Variants in IMPA1 observed in about 807,000 individuals in gnomAD.
IMPA1 encodes the protein D-galactose 1-phosphate phosphatase.
In IMPA1, 21 loss-of-function variants were observed where a neutral mutation model predicts 34.9. The observed-to-expected ratio is 0.60, with a 90% CI of 0.43 to 0.87. IMPA1 has a LOEUF of 0.87. Ranked by LOEUF, IMPA1 falls within the 40% of genes least tolerant of loss-of-function variation. The pLI is 0.00. For synonymous variants in IMPA1, 95 were observed against 104.4 expected (o/e 0.91, Z 0.55); for missense variants, 299 against 336.4 (o/e 0.89, Z 0.87).
At chr8:81,685,056 A>G (rs1807459263) in intron 1 of IMPA1, among the ~76,000 whole-genome samples, 1 of 135,472 alleles carries the variant, frequency 7.4e-6, no homozygotes, top group Non-Finnish European at 1.5e-5. Context: ...TATACTATAC[A>G]TAAGTATATT....
chr8:81,677,997 T>C (rs1210412579), intron 4 of IMPA1, among the ~76,000 whole-genome samples: 1 of 152,222 alleles, frequency 6.6e-6, no homozygotes, highest in East Asian at 1.9e-4. Flanking sequence ...GTTCTTACAT[T>C]AATGTACTAC....
chr8:81,661,602 A>C (rs1253050344), intron 7 of IMPA1, among the ~76,000 whole-genome samples: 1 of 152,254 alleles, frequency 6.6e-6, no homozygotes, highest in Non-Finnish European at 1.5e-5. Flanking sequence ...AAAGACAAAG[A>C]CTAAGCAAGT....
chr8:81,670,917 A>G (rs767114450), intron 7 of IMPA1, 22 bp downstream of exon 7: 49 of 1,230,892 alleles, frequency 4.0e-5, no homozygotes, highest in East Asian at 1.6e-4. Flanking sequence ...AGAGAGAGAT[A>G]GAATAATGGT....
chr8:81,677,113 G>A (rs62512310), intron 4 of IMPA1, among the ~76,000 whole-genome samples: 1 of 149,180 alleles, frequency 6.7e-6, no homozygotes, highest in Non-Finnish European at 1.5e-5. Flanking sequence ...TTTTTTTTTG[G>A]AGACGAAGTT....
chr8:81,685,678 A>G (rs1335341773), intron 1 of IMPA1: 1 of 509,028 alleles, frequency 2.0e-6, no homozygotes, highest in Non-Finnish European at 2.7e-6. Context: ...ATATTTTTAT[A>G]TATAGTTATA....
At chr8:81,670,594 AAAGG>A (rs1216570443) in intron 7 of IMPA1, among the ~76,000 whole-genome samples, 1 of 152,206 alleles carries the variant, frequency 6.6e-6, no homozygotes, top group East Asian at 1.9e-4. Context: ...TTGAAAACTT[AAAGG>A]AAGTAATTTC....
chr8:81,656,975 T>C lies in IMPA1; in HGVS notation c.*2376A>G, dbSNP rs192893996. On this transcript the variant is annotated 3_prime_UTR_variant, in exon 9 of 9. Coordinates refer to ENST00000256108, the MANE Select transcript of IMPA1 (RefSeq NM_005536.4). ...ACATATATTTATGTATATTTATGTA[T>C]GTATCTGTGTATGTATCCACATGCA... 1.6e-3 allele frequency among the ~76,000 whole-genome samples: 240 copies of C among 152,350 alleles called. No individual in the cohort carries two copies. Among genetic ancestry groups the C allele is most frequent in the Non-Finnish European group, 2.5e-3 (169 of 68,016 alleles).
chr8:81,684,130 T>C (rs200997631), intron 1 of IMPA1, among the ~76,000 whole-genome samples: 25 of 114,214 alleles, frequency 2.2e-4, no homozygotes, highest in African/African-American at 4.3e-4. Context: ...CACACACACA[T>C]ACACACATAC....
chr8:81,664,648 T>C (rs1386699759), intron 7 of IMPA1, among the ~76,000 whole-genome samples: 2 of 151,512 alleles, frequency 1.3e-5, no homozygotes, highest in Non-Finnish European at 2.9e-5. Flanking sequence ...GCTGTGATTC[T>C]GAAGGAGAAT....
At chr8:81,672,635 G>A (rs1245860819) in intron 6 of IMPA1, among the ~76,000 whole-genome samples, 1 of 152,170 alleles carries the variant, frequency 6.6e-6, no homozygotes, top group East Asian at 1.9e-4. Context: ...CACTCTCCAA[G>A]GTAATCTAGA....
intron 7 of IMPA1, 107 bp from the exon 8 acceptor site, chr8:81,660,774 T>C (rs1228953355): frequency 2.7e-6 from 2 of 752,484 alleles, no homozygotes; most frequent in Non-Finnish European, 4.1e-6. Context: ...TGGAACGATC[T>C]AGAGGATAAA....
intron 1 of IMPA1, among the ~76,000 whole-genome samples, chr8:81,682,581 C>T (rs1807331674): frequency 6.6e-6 from 1 of 152,116 alleles, no homozygotes; most frequent in Non-Finnish European, 1.5e-5. Flanking sequence ...GGAAGCCACT[C>T]TATGAGTCAT....
intron 2 of IMPA1, 128 bp from the exon 3 acceptor site, chr8:81,680,911 T>C: frequency 1.4e-6 from 1 of 704,266 alleles, no homozygotes. Context: ...TAAAAATGTC[T>C]TACAAATATA....
intron 6 of IMPA1, among the ~76,000 whole-genome samples, chr8:81,672,855 C>G (rs1328509413): frequency 6.6e-6 from 1 of 152,016 alleles, no homozygotes; most frequent in African/African-American, 2.4e-5. Context: ...AGTAATTGGT[C>G]CTGGGGCATC....
intron 1 of IMPA1, chr8:81,685,756 T>C: frequency 6.6e-7 from 1 of 1,510,172 alleles, no homozygotes. Flanking sequence ...GTCCGTAGTT[T>C]ACTCACTTTC....
chr8:81,660,552 CAAT>C lies in IMPA1; in HGVS notation c.679_681del (p.Ile227del), dbSNP rs1806639417. Reference sequence around the variant, plus strand: ...ATTAGCACGCCACCAGCTTCAGTAACAATAATGCCAGCTCCTGCAACATCCCAG... The same window carrying C: ...ATTAGCACGCCACCAGCTTCAGTAACAATGCCAGCTCCTGCAACATCCCAG... On this transcript the variant is annotated inframe_deletion, in exon 8 of 9. Transcript: ENST00000256108. 1.2e-6 allele frequency: 2 copies of C among 1,613,788 alleles called. No homozygotes were observed.
At chr8:81,660,743 T>A in intron 7 of IMPA1, 76 bp from the exon 8 acceptor site, 3 of 1,213,188 alleles carry the variant, frequency 2.5e-6, no homozygotes, top group Non-Finnish European at 3.5e-6. Flanking sequence ...AACTTCACTT[T>A]AAGTGTCGAT....
chr8:81,675,754 G>A (rs1807113658), intron 5 of IMPA1, among the ~76,000 whole-genome samples: 2 of 152,332 alleles, frequency 1.3e-5, no homozygotes, highest in Middle Eastern at 3.4e-3. Flanking sequence ...CTAGGCTTTA[G>A]ATGTAAGTAT....
At chr8:81,666,771 G>A (rs1290018988) in intron 7 of IMPA1, among the ~76,000 whole-genome samples, 18 of 150,430 alleles carry the variant, frequency 1.2e-4, no homozygotes, top group Admixed American at 1.1e-3. Context: ...TCAGGAGGCT[G>A]AGGCAGGAGA....
Sources: allele counts gnomAD v4.1 joint callset (sites outside exome capture counted in the v4.1 genomes callset), GRCh38; gene constraint gnomAD v4.1.1; transcripts MANE v1.5; gene names NCBI Gene and HGNC (gene_info 2026-07-23, HGNC 2026-07-21).